The following CSGALNACT1 variants were observed in gnomAD, a reference collection of about 807,000 sequenced individuals.
CSGALNACT1 encodes the protein beta4GalNAcT-1.
Under a neutral mutation model 51.0 loss-of-function variants are expected in CSGALNACT1, and 52 were observed. That is an observed-to-expected ratio of 1.02 (90% CI 0.82 to 1.29). The LOEUF (loss-of-function observed/expected upper bound fraction) is 1.29, where lower values mean the gene tolerates loss of function less well. Ranked by LOEUF, CSGALNACT1 falls within the 50% of genes most tolerant of loss-of-function variation. CSGALNACT1 has a pLI of 0.00. For synonymous variants in CSGALNACT1, 341 were observed against 254.4 expected (o/e 1.34, Z -3.24); for missense variants, 935 against 679.2 (o/e 1.38, Z -4.19).
Position 19,628,148 on chromosome 8 carries a change from T to G in CSGALNACT1, c.-543-26283A>C, listed in dbSNP as rs528846530. Among the ~76,000 whole-genome samples, 3 of 152,362 alleles carry G rather than the reference T, an allele frequency of 2.0e-5. No homozygotes were observed. The East Asian group carries it at 5.8e-4, about 29-fold the overall frequency. ...TACACCTTTGCAGTAGATACTGTTG[T>G]ATTAGTCAGTTCTCACACTGCTATA... On this transcript the variant is annotated intron_variant, in intron 1 of 9. Coordinates refer to the CSGALNACT1 transcript ENST00000332246.
chr8:19,409,284 T>C (rs2055091010), intron 8 of CSGALNACT1, among the ~76,000 whole-genome samples: 1 of 152,196 alleles, frequency 6.6e-6, no homozygotes, highest in Non-Finnish European at 1.5e-5. Flanking sequence ...AAAAGGGCAC[T>C]AGAAGTCCAG....
At chr8:19,414,194 T>C (rs1261957108) in intron 8 of CSGALNACT1, among the ~76,000 whole-genome samples, 2 of 152,182 alleles carry the variant, frequency 1.3e-5, no homozygotes, top group Non-Finnish European at 2.9e-5. Context: ...TGTTAAATAT[T>C]TACCAGCACA....
At chr8:19,756,746 C>T (rs2065410593) in intron 1 of CSGALNACT1, among the ~76,000 whole-genome samples, 1 of 152,224 alleles carries the variant, frequency 6.6e-6, no homozygotes, top group Non-Finnish European at 1.5e-5. Context: ...TCCACCCTCT[C>T]CATCCCAGCC....
chr8:19,590,185 C>A (rs1236768637), intron 3 of CSGALNACT1, among the ~76,000 whole-genome samples: 1 of 152,136 alleles, frequency 6.6e-6, no homozygotes, highest in Non-Finnish European at 1.5e-5. Flanking sequence ...TGGCTGTGGG[C>A]GACACGACTG....
rs113560964 is a variant in CSGALNACT1, at chr8:19,477,796, G to A, written c.635-19154C>T. 5.3e-3 allele frequency among the ~76,000 whole-genome samples: 808 copies of A among 152,306 alleles called. 12 individuals are homozygous for A. The highest frequency in any genetic ancestry group is 0.018 in the African/African-American group (763 of 41,560). On this transcript the variant is annotated intron_variant, in intron 4 of 9. Transcript: ENST00000454498. Reference sequence around the variant, plus strand: ...TGGTTGTGAGGACTGAAATACATATGTAGCACTTAGAACAATACACAAAAC... The same window carrying A: ...TGGTTGTGAGGACTGAAATACATATATAGCACTTAGAACAATACACAAAAC...
intron 4 of CSGALNACT1, among the ~76,000 whole-genome samples, chr8:19,461,884 AGCCACATTTACCATGGAGGGTG>A (rs2065612367): frequency 8.3e-6 from 1 of 120,028 alleles, no homozygotes; most frequent in African/African-American, 2.8e-5. Flanking sequence ...TCCACACAGC[AGCCACATTTACCATGGAGGGTG>A]TATCCGCACA....
intron 1 of CSGALNACT1, among the ~76,000 whole-genome samples, chr8:19,675,804 G>T (rs2060133857): frequency 6.6e-6 from 1 of 151,914 alleles, no homozygotes; most frequent in South Asian, 2.1e-4. Flanking sequence ...TTCTATATAT[G>T]AACCTCCACC....
chr8:19,657,865 AC>A (rs937514149), intron 1 of CSGALNACT1, among the ~76,000 whole-genome samples: 1 of 152,048 alleles, frequency 6.6e-6, no homozygotes, highest in Non-Finnish European at 1.5e-5. Flanking sequence ...CCAACAGAGC[AC>A]CTTGGGCACC....
At chr8:19,679,213 G>A (rs1485607526) in intron 1 of CSGALNACT1, among the ~76,000 whole-genome samples, 1 of 152,162 alleles carries the variant, frequency 6.6e-6, no homozygotes, top group Non-Finnish European at 1.5e-5. Context: ...AGCACTTTGG[G>A]AGGCCGAGTA....
chr8:19,497,725 A>G (rs80040609), intron 4 of CSGALNACT1, among the ~76,000 whole-genome samples: 2 of 152,254 alleles, frequency 1.3e-5, no homozygotes, highest in Non-Finnish European at 2.9e-5. Flanking sequence ...GGGCCTCCAA[A>G]TTACTAAGCT....
intron 4 of CSGALNACT1, among the ~76,000 whole-genome samples, chr8:19,480,432 G>A (rs781765806): frequency 7.2e-5 from 11 of 152,168 alleles, no homozygotes; most frequent in Non-Finnish European, 1.6e-4. Flanking sequence ...CCAGGTTCCT[G>A]CAAAGGACAT....
chr8:19,694,986 G>A lies in CSGALNACT1; in HGVS notation c.-297+62864C>T, dbSNP rs149519699. The stretch of plus-strand genomic sequence containing the variant: ...CATTCAACAAGCCCCGGAGACAGAT[G>A]CTGAGGGGTCATGAGGCAGCACAGG... On this transcript the variant is annotated intron_variant, in intron 1 of 1. Transcript: ENST00000517494. Among the ~76,000 whole-genome samples, 68 of 152,266 alleles carry A rather than the reference G, an allele frequency of 4.5e-4. 1 individual carries two copies. Among genetic ancestry groups the A allele is most frequent in the African/African-American group, 1.6e-3 (66 of 41,554 alleles).
intron 6 of CSGALNACT1, among the ~76,000 whole-genome samples, chr8:19,427,342 G>A (rs902664605): frequency 2.0e-5 from 3 of 152,128 alleles, no homozygotes; most frequent in African/African-American, 4.8e-5. Context: ...CTTGCCCACC[G>A]AATGCATACA....
At chr8:19,406,594 G>A (rs2054225600) in intron 9 of CSGALNACT1, among the ~76,000 whole-genome samples, 1 of 117,408 alleles carries the variant, frequency 8.5e-6, no homozygotes, top group African/African-American at 3.4e-5. Flanking sequence ...CCATAAACAT[G>A]CGCATAATAA....
chr8:19,571,948 G>A (rs927610058), intron 3 of CSGALNACT1, among the ~76,000 whole-genome samples: 1 of 152,178 alleles, frequency 6.6e-6, no homozygotes, highest in Non-Finnish European at 1.5e-5. Context: ...AAAACTGCCT[G>A]CCTCATTTTC....
At chr8:19,601,224 G>A (rs776195088) in intron 2 of CSGALNACT1, among the ~76,000 whole-genome samples, 2 of 152,130 alleles carry the variant, frequency 1.3e-5, no homozygotes, top group African/African-American at 2.4e-5. Flanking sequence ...CTTCCAATCC[G>A]TAAGGGCACT....
chr8:19,703,048 C>A (rs2061969196), intron 1 of CSGALNACT1, among the ~76,000 whole-genome samples: 1 of 152,164 alleles, frequency 6.6e-6, no homozygotes, highest in African/African-American at 2.4e-5. Flanking sequence ...AAACCTGTAA[C>A]CCTATGGATG....
chr8:19,697,838 G>A lies in CSGALNACT1; in HGVS notation c.-297+60012C>T, dbSNP rs115370249. Among the ~76,000 whole-genome samples the A allele has an allele frequency of 6.7e-3, 1,019 of 152,270 alleles. 10 individuals carry two copies. The highest frequency in any genetic ancestry group is 0.022 in the African/African-American group (928 of 41,548). On this transcript the variant is annotated intron_variant, in intron 1 of 1. Transcript: ENST00000517494. ...TCATTAGAGAGAGGTGGTGGGTAAC[G>A]TCCCACCCAGAGAGGGTAACGTGAA...
At chr8:19,447,520 AC>A (rs1258564517) in intron 5 of CSGALNACT1, among the ~76,000 whole-genome samples, 1 of 152,194 alleles carries the variant, frequency 6.6e-6, no homozygotes, top group Non-Finnish European at 1.5e-5. Flanking sequence ...CAACCTCTGC[AC>A]TGCTAACAGT....
Sources: allele counts gnomAD v4.1 joint callset (sites outside exome capture counted in the v4.1 genomes callset), GRCh38; gene constraint gnomAD v4.1.1; transcripts MANE v1.5; gene names NCBI Gene and HGNC (gene_info 2026-07-23, HGNC 2026-07-21).